The following LYPLA2 variants were observed in gnomAD, a reference collection of about 807,000 sequenced individuals.
LYPLA2 encodes lysophospholipase 2, also known as acyl-protein thioesterase 2.
In LYPLA2, 7 loss-of-function variants were observed where a neutral mutation model predicts 30.3. The observed-to-expected ratio is 0.23, with a 90% confidence interval of 0.13 to 0.43. The LOEUF is 0.43. LYPLA2 is among the 20% of genes least tolerant of loss of function. The probability of loss-of-function intolerance (pLI) is 1.00; values close to 1 mark genes in which losing one functional copy is unlikely to be tolerated. For synonymous variants in LYPLA2, 112 were observed against 118.2 expected (o/e 0.95, Z 0.34); for missense variants, 206 against 307.9 (o/e 0.67, Z 2.48).
chr1:23,793,844 T>C lies in LYPLA2; in HGVS notation c.225-16T>C. On this transcript the variant is annotated splice_polypyrimidine_tract_variant and intron_variant, in intron 5 of 9. Coordinates refer to ENST00000374514, the MANE Select transcript of LYPLA2 (RefSeq NM_007260.3). The surrounding 1 kb of genome is among the most constrained non-coding windows in gnomAD (Gnocchi z 6.0). ...GGCTGGGGTTTTCTATAGCTGCCAG[T>C]GCCTCTACTCCCAAGGTTTGACCTG... 2 of 1,613,566 alleles carry C rather than the reference T, an allele frequency of 1.2e-6. No individual in the cohort carries two copies. Among genetic ancestry groups the C allele is most frequent in the Non-Finnish European group, 8.5e-7 (1 of 1,179,524 alleles).
chr1:23,793,921 G>A lies in LYPLA2; in HGVS notation c.286G>A (p.Ala96Thr). ...GGACGAGGCTGGCATCAAGAAGGCA[G>A]CAGAGAACAGTAAGACCCCAGCCCC... is the stretch of plus-strand genomic sequence containing the variant. ...PEDEAGIKKA[A>T]ENIKALIEHE... Residue 96 changes from alanine (A) to threonine (T), a missense_variant, in exon 6 of 10, where the codon GCA (alanine) becomes ACA (threonine). Coordinates refer to ENST00000374514, the MANE Select transcript of LYPLA2 (RefSeq NM_007260.3). This position sits in a 1 kb window ranked among gnomAD's most constrained non-coding sequence, Gnocchi z 6.0. 1 of 1,613,854 alleles carries A rather than the reference G, an allele frequency of 6.2e-7. No individual in the cohort carries two copies. Among genetic ancestry groups the A allele is most frequent in the Non-Finnish European group, 8.5e-7 (1 of 1,179,812 alleles).
At chr1:23,791,910 C>G (rs1305584809) in intron 1 of LYPLA2, 1 of 152,542 alleles carries the variant, frequency 6.6e-6, no homozygotes, top group African/African-American at 2.4e-5. Context: ...GTTTGGAGGA[C>G]GCCGAGGATG....
At chr1:23,792,608 T>C (rs1638818152) in intron 1 of LYPLA2, 49 bp from the exon 2 acceptor site, 1 of 1,175,420 alleles carries the variant, frequency 8.5e-7, no homozygotes, top group Non-Finnish European at 1.3e-6. Flanking sequence ...GGGCCAGGAG[T>C]GTGTCCTGTG....
chr1:23,794,192 GC>G lies in LYPLA2; in HGVS notation c.370-29del. The G allele has an allele frequency of 6.3e-7, 1 of 1,589,462 alleles. No individual in the cohort carries two copies. On this transcript the variant is annotated intron_variant, in intron 7 of 9. Transcript: ENST00000374514. The surrounding 1 kb of genome is among the most constrained non-coding windows in gnomAD (Gnocchi z 5.9). ...TAGGGGTGGCCGGTGAGTGAGCTGT[GC>G]CCTCATGACCCCTCTCTCTCCTCCC...
In LYPLA2 at chr1:23,794,041, C is replaced by T. The variant is rs767063293; in HGVS notation, c.296-22C>T. ...GGGCCCCTTGGCAGCTTCCCTCTAC[C>T]CACTCATGCCCCCTCCCCCAGTCAA... On this transcript the variant is annotated intron_variant, in intron 6 of 9. Transcript: ENST00000374514. This position sits in a 1 kb window ranked among gnomAD's most constrained non-coding sequence, Gnocchi z 5.9. 5 of 1,610,574 alleles carry T rather than the reference C, an allele frequency of 3.1e-6. No homozygotes were observed. In the East Asian group the frequency reaches 1.1e-4, roughly 36 times the overall value.
In LYPLA2 at chr1:23,794,613, A is replaced by C. The variant is rs1397450566; in HGVS notation, c.645+13A>C. On this transcript the variant is annotated intron_variant, in intron 9 of 9. Transcript: ENST00000374514. This position sits in a 1 kb window ranked among gnomAD's most constrained non-coding sequence, Gnocchi z 5.9. ...CTCCTGTCCTCAGGTCAGTGGGGGG[A>C]CCATTTCCCACTCCCACTTCTCTGC... is the stretch of plus-strand genomic sequence containing the variant. 2 of 1,613,814 alleles carry C rather than the reference A, an allele frequency of 1.2e-6. No individual in the cohort carries two copies. The highest frequency in any genetic ancestry group is 1.7e-6 in the Non-Finnish European group (2 of 1,179,870).
chr1:23,793,078 C>T lies in LYPLA2; in HGVS notation c.110+39C>T. ...GAGGGGTGCTCCTTAAGGAGGGGTC[C>T]TGGCCCAGCAGCGGACTGGAGAGGC... is the stretch of plus-strand genomic sequence containing the variant. On this transcript the variant is annotated intron_variant, in intron 3 of 9. Transcript: ENST00000374514. The surrounding 1 kb of genome is among the most constrained non-coding windows in gnomAD (Gnocchi z 6.0). 1 of 1,613,608 alleles carries T rather than the reference C, an allele frequency of 6.2e-7. No individual in the cohort carries two copies. Among genetic ancestry groups the T allele is most frequent in the Non-Finnish European group, 8.5e-7 (1 of 1,179,610 alleles).
chr1:23,793,314 G>A lies in LYPLA2; in HGVS notation c.176+98G>A. 2 of 1,288,032 alleles carry A rather than the reference G, an allele frequency of 1.6e-6. No individual in the cohort carries two copies. The highest frequency in any genetic ancestry group is 2.4e-5 in the South Asian group (2 of 82,342). The allele number at this position is 1,288,032 out of a possible 1,614,324, so 79.8% of individuals were successfully genotyped here. ...GTTCTCTCCTGTCAGTTGCATCCTG[G>A]GGCTTGGGCTCAGGGCAGTCAGAAG... On this transcript the variant is annotated intron_variant, in intron 4 of 9. Transcript: ENST00000374514. The surrounding 1 kb of genome is among the most constrained non-coding windows in gnomAD (Gnocchi z 6.0).
chr1:23,792,933 G>C, intron 2 of LYPLA2, 75 bp from the exon 3 acceptor site: 1 of 1,521,126 alleles, frequency 6.6e-7, no homozygotes, highest in Non-Finnish European at 9.0e-7. Flanking sequence ...GTCCTTGGGG[G>C]TGGGGGAGGG....
chr1:23,792,562 G>C, intron 1 of LYPLA2, 95 bp from the exon 2 acceptor site: 1 of 730,696 alleles, frequency 1.4e-6, no homozygotes, highest in Non-Finnish European at 2.5e-6. Flanking sequence ...GACAGAACCT[G>C]GGTGCTGTGT....
Position 23,793,677 on chromosome 1 carries a change from G to A in LYPLA2, c.177-28G>A. On this transcript the variant is annotated intron_variant, in intron 4 of 9. Transcript: ENST00000374514. The surrounding 1 kb of genome is among the most constrained non-coding windows in gnomAD (Gnocchi z 6.0). ...TGGCCTCCTCATTCCTCCTGAGCAT[G>A]ATGGGCCCTCTGGCTCTCTTTCCCC... 6.2e-7 allele frequency: 1 copy of A among 1,612,920 alleles called. No individual in the cohort carries two copies. The highest frequency in any genetic ancestry group is 8.5e-7 in the Non-Finnish European group (1 of 1,178,872).
Position 23,794,500 on chromosome 1 carries a change from G to A in LYPLA2, c.545G>A (p.Arg182Gln), listed in dbSNP as rs1638883831. ...GAGCTGGACCCCATGGTGCCCGTAC[G>A]GTTTGGGGCCCTGACGGCTGAGAAG... The part of the protein sequence containing the change: ...HGELDPMVPV[R>Q]FGALTAEKLR... The change falls in exon 9 of 10, where the codon CGG (arginine) becomes CAG (glutamine). Residue 182 changes from arginine (R) to glutamine (Q), a missense_variant. By Grantham distance (43) the Arg-to-Gln change is conservative. Transcript: ENST00000374514. The surrounding 1 kb of genome is among the most constrained non-coding windows in gnomAD (Gnocchi z 5.9). 3.1e-6 allele frequency: 5 copies of A among 1,613,984 alleles called. No individual in the cohort carries two copies. Among genetic ancestry groups the A allele is most frequent in the East Asian group, 2.2e-5 (1 of 44,884 alleles).
rs957213361 is a variant in LYPLA2 at position 23,794,177 on chromosome 1, C to G, written c.369+41C>G. 6.4e-7 allele frequency: 1 copy of G among 1,563,622 alleles called. No homozygotes were observed. The highest frequency in any genetic ancestry group is 8.7e-7 in the Non-Finnish European group (1 of 1,147,580). On this transcript the variant is annotated intron_variant, in intron 7 of 9. Transcript: ENST00000374514. This position sits in a 1 kb window ranked among gnomAD's most constrained non-coding sequence, Gnocchi z 5.9. ...TGGGGGGGTAGGGGGTAGGGGTGGC[C>G]GGTGAGTGAGCTGTGCCCTCATGAC... is the stretch of plus-strand genomic sequence containing the variant.
rs376858572 is a variant in LYPLA2 at position 23,793,092 on chromosome 1, G to T, written c.110+53G>T. ...AAGGAGGGGTCCTGGCCCAGCAGCG[G>T]ACTGGAGAGGCCTTCTCTTCCTACC... On this transcript the variant is annotated intron_variant, in intron 3 of 9. Coordinates refer to ENST00000374514, the MANE Select transcript of LYPLA2 (RefSeq NM_007260.3). The surrounding 1 kb of genome is among the most constrained non-coding windows in gnomAD (Gnocchi z 6.0). The T allele has an allele frequency of 8.4e-5, 135 of 1,613,490 alleles. No homozygotes were observed. Among genetic ancestry groups the T allele is most frequent in the Middle Eastern group, 1.7e-4 (1 of 6,058 alleles).
Position 23,791,473 on chromosome 1 carries a change from T to C in LYPLA2, c.-27+223T>C, listed in dbSNP as rs189380704. On this transcript the variant is annotated intron_variant, in intron 1 of 9. Coordinates refer to ENST00000374514, the MANE Select transcript of LYPLA2 (RefSeq NM_007260.3). ...TCAGGGTCGGAAATAGAAGAGCCCA[T>C]TGTGGGGCGGGGGCTTCCCCAGAGT... Among the ~76,000 whole-genome samples the C allele has an allele frequency of 1.1e-3, 172 of 152,006 alleles. 2 individuals carry two copies. The highest frequency in any genetic ancestry group is 4.0e-3 in the African/African-American group (167 of 41,444).
Position 23,793,292 on chromosome 1 carries a change from C to T in LYPLA2, c.176+76C>T. 6.8e-7 allele frequency: 1 copy of T among 1,463,208 alleles called. No homozygotes were observed. 90.6% of individuals were successfully genotyped at this position (1,463,208 alleles called of 1,614,324 possible). A position where few individuals can be genotyped will look rare whatever the true frequency, so the allele number is the denominator to read the frequency against. ...GTGGTCCTGTCATCCCAGGCCTGTT[C>T]TCTCCTGTCAGTTGCATCCTGGGGC... On this transcript the variant is annotated intron_variant, in intron 4 of 9. Transcript: ENST00000374514. The surrounding 1 kb of genome is among the most constrained non-coding windows in gnomAD (Gnocchi z 6.0).
In LYPLA2 at chr1:23,793,634, A is replaced by G. The variant is rs1638846640; in HGVS notation, c.177-71A>G. 7.2e-6 allele frequency: 11 copies of G among 1,533,218 alleles called. No individual in the cohort carries two copies. The East Asian group carries it at 9.0e-5, about 13-fold the overall frequency. 95.0% of individuals were successfully genotyped at this position (1,533,218 alleles called of 1,614,324 possible). A position where few individuals can be genotyped will look rare whatever the true frequency, so the allele number is the denominator to read the frequency against. On this transcript the variant is annotated intron_variant, in intron 4 of 9. Transcript: ENST00000374514. The surrounding 1 kb of genome is among the most constrained non-coding windows in gnomAD (Gnocchi z 6.0). ...GGGCCACCAGGGGCGGCGCGGCCCCACTCCGGGCTCTGAGCTCTGGCCTCC... is the reference window on the plus strand; with the variant it reads ...GGGCCACCAGGGGCGGCGCGGCCCCGCTCCGGGCTCTGAGCTCTGGCCTCC...
In LYPLA2 at chr1:23,794,407, G is replaced by A; in HGVS notation, c.472-20G>A. 6.2e-7 allele frequency: 1 copy of A among 1,613,634 alleles called. No homozygotes were observed. The highest frequency in any genetic ancestry group is 1.1e-5 in the South Asian group (1 of 91,028). On this transcript the variant is annotated intron_variant, in intron 8 of 9. Coordinates refer to ENST00000374514, the MANE Select transcript of LYPLA2 (RefSeq NM_007260.3). This position sits in a 1 kb window ranked among gnomAD's most constrained non-coding sequence, Gnocchi z 5.9. ...ACTGCTGCAGCACTAGCTTTGCCCTGAGTCCTGTCCGGCCTCCAGGCAGCT... is the reference window on the plus strand; with the variant it reads ...ACTGCTGCAGCACTAGCTTTGCCCTAAGTCCTGTCCGGCCTCCAGGCAGCT...
Position 23,794,117 on chromosome 1 carries a change from T to C in LYPLA2, c.350T>C (p.Val117Ala). The C allele has an allele frequency of 6.7e-7, 1 of 1,488,170 alleles. No homozygotes were observed. Among genetic ancestry groups the C allele is most frequent in the Non-Finnish European group, 9.1e-7 (1 of 1,099,988 alleles). The allele number at this position is 1,488,170 out of a possible 1,614,324, so 92.2% of individuals were successfully genotyped here. The change falls in exon 7 of 10, where the codon GTC (valine) becomes GCC (alanine). Residue 117 changes from valine (V) to alanine (A), a missense_variant. Coordinates refer to ENST00000374514, the MANE Select transcript of LYPLA2 (RefSeq NM_007260.3). This position sits in a 1 kb window ranked among gnomAD's most constrained non-coding sequence, Gnocchi z 5.9. ...AACGGGATCCCTGCCAATCGAATCG[T>C]CCTGGGAGGCTTTTCACAGGTGAGG... ...MKNGIPANRI[V>A]LGGFSQGGAL...
Sources: gnomAD v4.1 joint callset for allele counts (sites outside exome capture counted in the v4.1 genomes callset) on GRCh38, gnomAD v4.1.1 for gene constraint, Gnocchi (gnomAD v3.1) non-coding constraint, MANE v1.5 for transcripts, NCBI Gene and HGNC (gene_info 2026-07-23, HGNC 2026-07-21) for gene names.